Variants in CDCP2 observed in about 807,000 individuals in gnomAD.
CDCP2 encodes CUB domain containing protein 2.
A neutral mutation model predicts 31.0 loss-of-function variants in CDCP2; 31 were observed. The observed-to-expected ratio is 1.00, with a 90% CI of 0.75 to 1.35. The LOEUF (loss-of-function observed/expected upper bound fraction) is 1.35, where lower values mean the gene tolerates loss of function less well. CDCP2 is among the 40% of genes most tolerant of loss of function. The pLI is 0.00. For missense variants in CDCP2, 443 were observed against 482.6 expected (o/e 0.92, Z 0.77); for synonymous variants, 206 against 207.9 (o/e 0.99, Z 0.08).
Position 54,144,453 on chromosome 1 carries a change from G to A in CDCP2, c.427+13C>T, listed in dbSNP as rs755904653. The A allele has an allele frequency of 1.9e-5, 29 of 1,554,848 alleles. No individual in the cohort carries two copies. The highest frequency in any genetic ancestry group is 2.5e-5 in the Non-Finnish European group (29 of 1,148,070). On this transcript the variant is annotated intron_variant, in intron 2 of 5. Coordinates refer to ENST00000530059, the Ensembl canonical transcript of CDCP2. ...TGAGCCACTGCAACAGGTCCCTAAGGCCCCCCGTTGACCTTTCTGGTAGCC... is the reference window on the plus strand; with the variant it reads ...TGAGCCACTGCAACAGGTCCCTAAGACCCCCCGTTGACCTTTCTGGTAGCC...
exon 1 of CDCP2, chr1:54,152,896 C>T (rs754996521): frequency 6.8e-6 from 11 of 1,614,228 alleles, no homozygotes; most frequent in South Asian, 4.4e-5. Context: ...CTGCCAGCAG[C>T]AGGCAAGCCC....
exon 4 of CDCP2, chr1:54,139,793 G>T (rs774289693): frequency 1.2e-6 from 2 of 1,614,228 alleles, no homozygotes; most frequent in Non-Finnish European, 1.7e-6. Context: ...GGGTGGTGCT[G>T]CGGTCTGTGT....
rs927441872 is a variant in CDCP2 at position 54,152,818 on chromosome 1, T to C, written c.79+26A>G. The C allele has an allele frequency of 3.7e-6, 6 of 1,609,044 alleles. No homozygotes were observed. In the African/African-American group the frequency reaches 4.0e-5, roughly 11 times the overall value. On this transcript the variant is annotated intron_variant, in intron 1 of 5. Coordinates refer to ENST00000530059, the Ensembl canonical transcript of CDCP2. Reference sequence around the variant, plus strand: ...CCTGCCCACCTCCTTCCCCTCTCAGTTCATGTCTGTCCCAAGAGTGCCTAC... The same window carrying C: ...CCTGCCCACCTCCTTCCCCTCTCAGCTCATGTCTGTCCCAAGAGTGCCTAC...
At chr1:54,151,301 C>T (rs1427596859) in intron 1 of CDCP2, among the ~76,000 whole-genome samples, 1 of 152,206 alleles carries the variant, frequency 6.6e-6, no homozygotes, top group African/African-American at 2.4e-5. Flanking sequence ...ACATTATCAG[C>T]TCTCTGCCTA....
rs150765055 is a variant in CDCP2 at position 54,152,325 on chromosome 1, G to A, written c.79+519C>T. ...CTAAAAATACAAAAATTAGCTGGTC[G>A]TGGTGGCACATGCCTGTAATCCCTG... On this transcript the variant is annotated intron_variant, in intron 1 of 5. Transcript: ENST00000530059. Among the ~76,000 whole-genome samples, 171 of 152,204 alleles carry A rather than the reference G, an allele frequency of 1.1e-3. 2 individuals are homozygous for A. Among genetic ancestry groups the A allele is most frequent in the African/African-American group, 3.8e-3 (159 of 41,524 alleles).
At chr1:54,149,765 A>G (rs1659545228) in intron 1 of CDCP2, among the ~76,000 whole-genome samples, 1 of 152,206 alleles carries the variant, frequency 6.6e-6, no homozygotes, top group South Asian at 2.1e-4. Context: ...CCGTATTGCA[A>G]GCACCCAGAG....
intron 1 of CDCP2, among the ~76,000 whole-genome samples, chr1:54,148,295 G>T (rs1659510563): frequency 6.7e-6 from 1 of 150,112 alleles, no homozygotes; most frequent in Non-Finnish European, 1.5e-5. Flanking sequence ...TGAGGCAGGA[G>T]GATCACTTGA....
chr1:54,147,318 A>G (rs1313305659), intron 1 of CDCP2, among the ~76,000 whole-genome samples: 1 of 151,810 alleles, frequency 6.6e-6, no homozygotes, highest in Non-Finnish European at 1.5e-5. Flanking sequence ...TAGGAAATTG[A>G]TAATAGAAAT....
intron 1 of CDCP2, among the ~76,000 whole-genome samples, chr1:54,148,997 A>C (rs1294454311): frequency 6.8e-6 from 1 of 147,178 alleles, no homozygotes; most frequent in Admixed American, 6.8e-5. Context: ...ATAATATATA[A>C]TATATTTATT....
intron 1 of CDCP2, among the ~76,000 whole-genome samples, chr1:54,147,422 C>T (rs1286281560): frequency 6.6e-6 from 1 of 151,790 alleles, no homozygotes; most frequent in Non-Finnish European, 1.5e-5. Flanking sequence ...GGCTGGAGTG[C>T]AATGGTGCAA....
intron 1 of CDCP2, among the ~76,000 whole-genome samples, chr1:54,148,720 AG>A (rs1157086014): frequency 6.6e-6 from 1 of 151,250 alleles, no homozygotes; most frequent in Non-Finnish European, 1.5e-5. Context: ...GGGGGGAAGG[AG>A]GCACAACTGT....
exon 4 of CDCP2, chr1:54,139,966 G>C: frequency 1.9e-6 from 3 of 1,614,204 alleles, no homozygotes; most frequent in Non-Finnish European, 2.5e-6. Flanking sequence ...TCCAGGTCCA[G>C]GTCCAGGAAG....
At chr1:54,133,427 A>C (rs777234665) in intron 5 of CDCP2, 133 bp from the exon 6 acceptor site, 4 of 397,720 alleles carry the variant, frequency 1.0e-5, no homozygotes, top group Non-Finnish European at 1.8e-5. Flanking sequence ...TCTGAGCCTC[A>C]GTGATCCCAT....
chr1:54,142,398 C>T (rs566569247), intron 2 of CDCP2: 1 of 152,328 alleles, frequency 6.6e-6, no homozygotes, highest in South Asian at 2.1e-4. Context: ...CCTCTCTGAG[C>T]CTCATTGGAA....
At chr1:54,141,159 C>T (rs1262884072) in exon 3 of CDCP2, 1 of 1,565,614 alleles carries the variant, frequency 6.4e-7, no homozygotes, top group South Asian at 1.2e-5. Flanking sequence ...TGAAGACCAC[C>T]TGCAGTTCGT....
At chr1:54,135,718 C>T (rs1035430585) in intron 5 of CDCP2, among the ~76,000 whole-genome samples, 1 of 152,138 alleles carries the variant, frequency 6.6e-6, no homozygotes, top group Non-Finnish European at 1.5e-5. Flanking sequence ...GACTGGCCCC[C>T]TACCCTCCTT....
At chr1:54,145,780 T>TG (rs1659457933) in intron 1 of CDCP2, among the ~76,000 whole-genome samples, 1 of 152,234 alleles carries the variant, frequency 6.6e-6, no homozygotes, top group Admixed American at 6.5e-5. Context: ...GAAGCAGGCA[T>TG]GATGGCTGGA....
rs747760888 is a variant in CDCP2 at position 54,141,335 on chromosome 1, G to A, written c.526C>T (p.Arg176Trp). The change falls in exon 3 of 6, where the codon CGG (arginine) becomes TGG (tryptophan). Residue 176 changes from arginine to tryptophan, a missense_variant. By Grantham distance (101) the Arg-to-Trp change is moderately radical. Coordinates refer to ENST00000530059, the Ensembl canonical transcript of CDCP2. ...TTGACGTGGGCAGGGCCAGCGGCCCGGATCACCCAGTGGCACTCCATGCTG... is the reference window on the plus strand; with the variant it reads ...TTGACGTGGGCAGGGCCAGCGGCCCAGATCACCCAGTGGCACTCCATGCTG... The A allele has an allele frequency of 3.2e-5, 52 of 1,613,980 alleles. No individual in the cohort carries two copies. Among genetic ancestry groups the A allele is most frequent in the Non-Finnish European group, 3.9e-5 (46 of 1,179,998 alleles).
intron 4 of CDCP2, chr1:54,138,111 AC>A (rs2100420527): frequency 6.6e-6 from 1 of 151,798 alleles, no homozygotes; most frequent in East Asian, 2.0e-4. Flanking sequence ...TGGGATAAGA[AC>A]CCCCGCTAAC....
Sources: gnomAD v4.1 joint callset for allele counts (sites outside exome capture counted in the v4.1 genomes callset) on GRCh38, gnomAD v4.1.1 for gene constraint, MANE v1.5 for transcripts, NCBI Gene and HGNC (gene_info 2026-07-23, HGNC 2026-07-21) for gene names.